Variants in SIAE observed in about 807,000 individuals in gnomAD.
The protein encoded by SIAE is sialate O-acetylesterase.
In SIAE, 39 loss-of-function variants were observed where a neutral mutation model predicts 52.6. The ratio of observed to expected loss-of-function variants is 0.74; its 90% CI spans 0.57 to 0.97. SIAE has a LOEUF of 0.97. SIAE is among the 50% of genes least tolerant of loss of function. SIAE has a pLI of 0.00. For missense variants in SIAE, 592 were observed against 662.1 expected (o/e 0.89, Z 1.16); for synonymous variants, 233 against 241.4 (o/e 0.97, Z 0.32).
Position 124,639,793 on chromosome 11 carries a change from G to A in SIAE, c.1041C>T (p.Phe347=), listed in dbSNP as rs78879979. 3,425 of 1,614,186 alleles carry A rather than the reference G, an allele frequency of 2.1e-3. 75 individuals are homozygous for A. In the African/African-American group the frequency reaches 0.041, roughly 19 times the overall value. The part of the protein sequence containing the change: ...PQIRWHQTAD[F]GYVPNPKMPN... ...GCATCTTTGGGTTGGGGACATAGCC[G>A]AAGTCTGCTGTTTGATGCCAACGGA... Residue 347 remains phenylalanine, a synonymous_variant, in exon 8 of 10, where the codon TTC becomes TTT. Coordinates refer to ENST00000263593, the MANE Select transcript of SIAE (RefSeq NM_170601.5).
chr11:124,654,521 A>G (rs1040557618), intron 4 of SIAE, 134 bp downstream of exon 4: 2 of 1,589,718 alleles, frequency 1.3e-6, no homozygotes, highest in Non-Finnish European at 1.7e-6. Flanking sequence ...AGGAAGGATG[A>G]AGAGTCAATA....
intron 7 of SIAE, among the ~76,000 whole-genome samples, chr11:124,644,463 T>G (rs1190236201): frequency 7.2e-5 from 11 of 152,156 alleles, no homozygotes; most frequent in Admixed American, 1.3e-4. Flanking sequence ...TGAGAATTCT[T>G]GCAGCAATTC....
In SIAE at chr11:124,648,080, A is replaced by AC; in HGVS notation, c.817dup (p.Val273GlyfsTer13). 2 of 1,613,046 alleles carry AC rather than the reference A, an allele frequency of 1.2e-6. No individual in the cohort carries two copies. The highest frequency in any genetic ancestry group is 1.7e-6 in the Non-Finnish European group (2 of 1,179,092). On this transcript the variant is annotated frameshift_variant, in exon 6 of 10. Coordinates refer to ENST00000263593, the MANE Select transcript of SIAE (RefSeq NM_170601.5). LOFTEE classifies it high-confidence loss of function. ...TGAACACTTACCCTGGTACCATACT[A>AC]CCCCTTTCAGAGTCATATTGCACAG...
intron 7 of SIAE, among the ~76,000 whole-genome samples, chr11:124,643,106 T>A (rs1261704755): frequency 6.6e-6 from 1 of 152,206 alleles, no homozygotes; most frequent in Non-Finnish European, 1.5e-5. Context: ...TGTTTTAAGC[T>A]GCTAAATATG....
At chr11:124,654,864 C>T in intron 3 of SIAE, 71 bp from the exon 4 acceptor site, 2 of 1,575,470 alleles carry the variant, frequency 1.3e-6, no homozygotes, top group Non-Finnish European at 1.7e-6. Context: ...TAGTAAACAT[C>T]AGTCCTCTGA....
rs372240451 is a variant in SIAE, at chr11:124,662,543, C to T, written c.230-1740G>A. Among the ~76,000 whole-genome samples, 12 of 152,334 alleles carry T rather than the reference C, an allele frequency of 7.9e-5. 1 individual carries two copies. The South Asian group carries it at 1.9e-3, about 24-fold the overall frequency. On this transcript the variant is annotated intron_variant, in intron 2 of 9. Coordinates refer to ENST00000263593, the MANE Select transcript of SIAE (RefSeq NM_170601.5). ...TTACACTTAGCCTCAATCCAGGCAA[C>T]GTGGCTGGTGAAGAAAACTACCTTC...
chr11:124,637,850 GTAGT>G (rs1942778011), intron 9 of SIAE, among the ~76,000 whole-genome samples: 1 of 152,194 alleles, frequency 6.6e-6, no homozygotes, highest in Non-Finnish European at 1.5e-5. Context: ...AAACTCCCGT[GTAGT>G]TAAAGTTTGC....
chr11:124,673,710 C>T lies in SIAE; in HGVS notation c.-2G>A, dbSNP rs1163470149. Reference sequence around the variant, plus strand: ...GAGTACAAGCCCCGGCGCGACCATGCTTGCAAGGATCTGACCGCCGCCTAG... The same window carrying T: ...GAGTACAAGCCCCGGCGCGACCATGTTTGCAAGGATCTGACCGCCGCCTAG... On this transcript the variant is annotated 5_prime_UTR_variant, in exon 1 of 10. Coordinates refer to ENST00000263593, the MANE Select transcript of SIAE (RefSeq NM_170601.5). The T allele has an allele frequency of 6.2e-7, 1 of 1,613,516 alleles. No individual in the cohort carries two copies.
chr11:124,639,195 A>G lies in SIAE; in HGVS notation c.1125-458T>C, dbSNP rs549985584. 2.6e-5 allele frequency among the ~76,000 whole-genome samples: 4 copies of G among 152,276 alleles called. No individual in the cohort carries two copies. The South Asian group carries it at 6.2e-4, about 24-fold the overall frequency. ...CACTGTGTGTTGGACTCTGTTTCCT[A>G]TGTGGAATCCCCTCACATCCTACAG... On this transcript the variant is annotated intron_variant, in intron 8 of 9. Coordinates refer to ENST00000263593, the MANE Select transcript of SIAE (RefSeq NM_170601.5).
In SIAE at chr11:124,649,706, C is replaced by T; in HGVS notation, c.635G>A (p.Gly212Glu). 1 of 1,614,160 alleles carries T rather than the reference C, an allele frequency of 6.2e-7. No homozygotes were observed. The highest frequency in any genetic ancestry group is 8.5e-7 in the Non-Finnish European group (1 of 1,180,032). ...HLYDTLQYPIGLIASSWGGTP... is the reference protein window; with the variant it reads ...HLYDTLQYPIELIASSWGGTP... ...CCCGCCCCAGCTGGAGGCGATCAGC[C>T]CGATGGGATACTGCAGAGTGTCATA... Residue 212 changes from glycine (G) to glutamate (E), a missense_variant, in exon 5 of 10, where the codon GGG (glycine) becomes GAG (glutamate). Physicochemically the swap from Gly to Glu is moderately conservative, Grantham distance 98 (BLOSUM62 -2). Transcript: ENST00000263593.
intron 4 of SIAE, chr11:124,654,158 A>G (rs1415944136): frequency 7.7e-6 from 7 of 913,528 alleles, no homozygotes; most frequent in Non-Finnish European, 9.2e-6. Context: ...AGCCTGAGCG[A>G]CAGACTGAGA....
rs114998269 is a variant in SIAE, at chr11:124,653,530, G to A, written c.544+1125C>T. Among the ~76,000 whole-genome samples the A allele has an allele frequency of 7.8e-3, 1,185 of 152,216 alleles. 16 individuals are homozygous for A. The highest frequency in any genetic ancestry group is 0.026 in the African/African-American group (1,080 of 41,522). On this transcript the variant is annotated intron_variant, in intron 4 of 9. Coordinates refer to ENST00000263593, the MANE Select transcript of SIAE (RefSeq NM_170601.5). ...ATGCAGTTTCTAAAGGGGGTGGTCCGCAGTGCTGAATGCGGCAAAGGTCTC... is the reference window on the plus strand; with the variant it reads ...ATGCAGTTTCTAAAGGGGGTGGTCCACAGTGCTGAATGCGGCAAAGGTCTC...
chr11:124,651,318 C>A (rs955133274), intron 4 of SIAE, among the ~76,000 whole-genome samples: 3 of 152,156 alleles, frequency 2.0e-5, no homozygotes, highest in Admixed American at 2.0e-4. Flanking sequence ...GAGGCTGAAG[C>A]AGGCAGATCA....
chr11:124,672,674 C>A (rs1270526063), intron 1 of SIAE, among the ~76,000 whole-genome samples: 1 of 152,118 alleles, frequency 6.6e-6, no homozygotes, highest in Non-Finnish European at 1.5e-5. Context: ...TCAAAGGTCA[C>A]TGAGTGGAGA....
At chr11:124,659,122 G>T (rs544347452) in intron 3 of SIAE, 1 of 152,298 alleles carries the variant, frequency 6.6e-6, no homozygotes, top group Admixed American at 6.5e-5. Flanking sequence ...TCTAGGCAGA[G>T]AAAATATGTT....
rs147006443 is a variant in SIAE, at chr11:124,639,865, T to G, written c.969A>C (p.Leu323Phe). The G allele has an allele frequency of 6.5e-5, 105 of 1,614,116 alleles. 1 individual carries two copies. In the Admixed American group the frequency reaches 1.0e-3, roughly 15 times the overall value. The change falls in exon 8 of 10, where the codon TTA (leucine) becomes TTC (phenylalanine). Residue 323 changes from leucine to phenylalanine, a missense_variant and splice_region_variant. By Grantham distance (22) the Leu-to-Phe change is conservative. Coordinates refer to ENST00000263593, the MANE Select transcript of SIAE (RefSeq NM_170601.5). ...AGCTCTTCTTAGACAAATCTGAAGA[T>G]AACTAGAAAGCAGAGACATTGCTAA... ...ERFFPFGLVQ[L>F]SSDLSKKSSD... is the part of the protein sequence containing the mutation.
At chr11:124,657,429 C>T (rs1274174799) in intron 3 of SIAE, among the ~76,000 whole-genome samples, 1 of 152,228 alleles carries the variant, frequency 6.6e-6, no homozygotes, top group East Asian at 1.9e-4. Flanking sequence ...TGCTTTCATT[C>T]TCTCCACCCA....
intron 3 of SIAE, chr11:124,659,431 A>G (rs1943149889): frequency 6.6e-6 from 1 of 152,156 alleles, no homozygotes; most frequent in Non-Finnish European, 1.5e-5. Context: ...TTTTAATTCA[A>G]AAAGCCCAGC....
chr11:124,641,972 A>AAAAAAAAAAAAAAAAAAAAT (rs1942855407), intron 7 of SIAE, among the ~76,000 whole-genome samples: 1 of 150,708 alleles, frequency 6.6e-6, no homozygotes, highest in Non-Finnish European at 1.5e-5. Context: ...AAAAAAAAAA[A>AAAAAAAAAAAAAAAAAAAAT]AAAAAAAAAG....
Sources: gnomAD v4.1 joint callset for allele counts (sites outside exome capture counted in the v4.1 genomes callset) on GRCh38, gnomAD v4.1.1 for gene constraint, MANE v1.5 for transcripts, NCBI Gene and HGNC (gene_info 2026-07-23, HGNC 2026-07-21) for gene names.